Variants in SPINK5 observed in about 807,000 individuals in gnomAD.
SPINK5 encodes the protein serine peptidase inhibitor Kazal type 5.
SPINK5 carries 125 observed loss-of-function variants against 151.8 expected under a neutral mutation model. That is an observed-to-expected ratio of 0.82 (90% CI 0.71 to 0.96). The LOEUF is 0.96. Ranked by LOEUF, SPINK5 falls within the 40% of genes least tolerant of loss-of-function variation. SPINK5 has a pLI of 0.00. For missense variants in SPINK5, 1,194 were observed against 1,291.9 expected (o/e 0.92, Z 1.16); for synonymous variants, 374 against 395.3 (o/e 0.95, Z 0.64).
intron 27 of SPINK5, 36 bp downstream of exon 27, chr5:148,123,996 G>T: frequency 6.2e-7 from 1 of 1,611,930 alleles, no homozygotes; most frequent in Non-Finnish European, 8.5e-7. Context: ...TTTGATAGTT[G>T]TGCCTGTTTG....
chr5:148,072,122 CTA>C (rs1444469577), intron 3 of SPINK5, 24 bp from the exon 4 acceptor site: 8 of 1,605,544 alleles, frequency 5.0e-6, no homozygotes, highest in Middle Eastern at 1.7e-4. Flanking sequence ...AATGTTTAAA[CTA>C]TGCTATTTCT....
At chr5:148,106,989 A>T in intron 16 of SPINK5, 48 bp from the exon 17 acceptor site, 1 of 1,603,010 alleles carries the variant, frequency 6.2e-7, no homozygotes, top group Non-Finnish European at 8.5e-7. Context: ...GAAAAGATGC[A>T]GGAAGGATAG....
chr5:148,081,080 C>G (rs544619742), intron 4 of SPINK5, among the ~76,000 whole-genome samples: 1 of 151,686 alleles, frequency 6.6e-6, no homozygotes, highest in South Asian at 2.1e-4. Context: ...TATCACTACA[C>G]GTACCCACTA....
intron 7 of SPINK5, 67 bp downstream of exon 7, chr5:148,089,688 A>G (rs1753259311): frequency 6.2e-7 from 1 of 1,606,768 alleles, no homozygotes; most frequent in African/African-American, 1.3e-5. Context: ...AGAATCACTC[A>G]GCAGAGAGAT....
intron 12 of SPINK5, 42 bp from the exon 13 acceptor site, chr5:148,100,412 G>T (rs747655981): frequency 2.5e-6 from 4 of 1,595,524 alleles, no homozygotes; most frequent in Non-Finnish European, 3.4e-6. Flanking sequence ...GCTTTAAGTA[G>T]AAATGAAATA....
Position 148,095,902 on chromosome 5 carries a change from TGTG to T in SPINK5, c.882+1_882+3del, listed in dbSNP as rs750225476. The T allele has an allele frequency of 1.2e-6, 2 of 1,610,472 alleles. No individual in the cohort carries two copies. The highest frequency in any genetic ancestry group is 1.1e-5 in the South Asian group (1 of 91,000). ...AAAAAACTAAAGTTAAAAGAGAAAT[TGTG>T]GTGAGAATCAGTTTGATCAATCTAG... On this transcript the variant is annotated inframe_deletion and splice_region_variant, in exon 10 of 33. Transcript: ENST00000256084.
intron 18 of SPINK5, among the ~76,000 whole-genome samples, 182 bp downstream of exon 18, chr5:148,109,019 T>A (rs563250570): frequency 6.6e-6 from 1 of 152,254 alleles, no homozygotes; most frequent in South Asian, 2.1e-4. Flanking sequence ...ACATTAAATC[T>A]ATTAATTGCT....
At chr5:148,066,342 G>A (rs186913028) in intron 2 of SPINK5, among the ~76,000 whole-genome samples, 84 of 152,140 alleles carry the variant, frequency 5.5e-4, no homozygotes, top group African/African-American at 2.0e-3. Context: ...ACACTGCTAT[G>A]CATGCTATTA....
At chr5:148,123,805 T>C in intron 26 of SPINK5, 28 bp from the exon 27 acceptor site, 3 of 1,613,758 alleles carry the variant, frequency 1.9e-6, no homozygotes, top group Non-Finnish European at 2.5e-6. Flanking sequence ...ACCATGACAG[T>C]AACAACTTTT....
intron 13 of SPINK5, 46 bp downstream of exon 13, chr5:148,100,627 T>C (rs772334842): frequency 4.4e-6 from 7 of 1,606,022 alleles, no homozygotes; most frequent in Non-Finnish European, 6.0e-6. Flanking sequence ...ATTTTGTTCT[T>C]TCTATTTCAT....
chr5:148,106,073 C>T (rs1387333318), intron 16 of SPINK5, among the ~76,000 whole-genome samples: 3 of 151,658 alleles, frequency 2.0e-5, no homozygotes, highest in Non-Finnish European at 4.4e-5. Context: ...TTTCATTGAT[C>T]ATTTAGAATT....
rs773865874 is a variant in SPINK5 at position 148,107,035 on chromosome 5, A to G, written c.1480-2A>G. On this transcript the variant is annotated splice_acceptor_variant, in intron 16 of 32. Coordinates refer to ENST00000256084, the MANE Select transcript of SPINK5 (RefSeq NM_006846.4). LOFTEE classifies it high-confidence loss of function. ...TGAGAAAATATTTTCTTCATTTCCC[A>G]GGAAATCTGCAGTGAATTTCGGGAC... The G allele has an allele frequency of 6.2e-7, 1 of 1,612,204 alleles. No homozygotes were observed. The highest frequency in any genetic ancestry group is 8.5e-7 in the Non-Finnish European group (1 of 1,178,752).
chr5:148,104,927 T>G (rs1561691195), intron 15 of SPINK5, 25 bp from the exon 16 acceptor site: 1 of 1,605,334 alleles, frequency 6.2e-7, no homozygotes, highest in Non-Finnish European at 8.5e-7. Flanking sequence ...ATTTCTTCTC[T>G]CTTTTTCTTT....
At position 148,094,450 on chromosome 5, in the gene SPINK5, G is replaced by T. The variant is rs1753401679; in HGVS notation, c.763G>T (p.Gly255Cys). 1.2e-6 allele frequency: 2 copies of T among 1,612,764 alleles called. No homozygotes were observed. The highest frequency in any genetic ancestry group is 4.5e-5 in the East Asian group (2 of 44,818). ...CCGTGGCCCTGACGGCAGGATGCAT[G>T]GCAACAAATGTGCCCTGTGTGCTGA... is the stretch of plus-strand genomic sequence containing the variant. The part of the protein sequence containing the change: ...PVRGPDGRMH[G>C]NKCALCAEIF... Residue 255 changes from glycine to cysteine, a missense_variant, in exon 9 of 33, where the codon GGC becomes TGC. Gly to Cys is a radical substitution (Grantham distance 159). Transcript: ENST00000256084.
intron 30 of SPINK5, 136 bp from the exon 31 acceptor site, chr5:148,131,123 A>G: frequency 8.2e-7 from 1 of 1,226,272 alleles, no homozygotes; most frequent in Admixed American, 1.7e-5. Context: ...TCAATCTTTG[A>G]GTTTGAATAA....
At chr5:148,069,452 CAA>C (rs5872056) in intron 2 of SPINK5, among the ~76,000 whole-genome samples, 2 of 149,496 alleles carry the variant, frequency 1.3e-5, no homozygotes, top group South Asian at 2.1e-4. Flanking sequence ...AGGGATGTGC[CAA>C]AAAAAAAATT....
At chr5:148,100,161 T>C (rs1472660970) in intron 12 of SPINK5, among the ~76,000 whole-genome samples, 2 of 152,166 alleles carry the variant, frequency 1.3e-5, no homozygotes, top group African/African-American at 4.8e-5. Context: ...AGTTCTCAGA[T>C]TTTATTGTAC....
Position 148,070,413 on chromosome 5 carries a change from A to G in SPINK5, c.172A>G (p.Met58Val). The change falls in exon 3 of 33, where the codon ATG becomes GTG. Residue 58 changes from methionine (M) to valine (V), a missense_variant. By Grantham distance (21) the Met-to-Val change is conservative (BLOSUM62 1). Coordinates refer to ENST00000256084, the MANE Select transcript of SPINK5 (RefSeq NM_006846.4). ...KKFFQSLDGI[M>V]FINKCATCKM... Reference sequence around the variant, plus strand: ...ATTTTTTCAAAGTCTTGATGGAATAATGTTCATCAATAAATGTGCCACGTG... The same window carrying G: ...ATTTTTTCAAAGTCTTGATGGAATAGTGTTCATCAATAAATGTGCCACGTG... The G allele has an allele frequency of 6.2e-7, 1 of 1,612,774 alleles. No individual in the cohort carries two copies. The highest frequency in any genetic ancestry group is 8.5e-7 in the Non-Finnish European group (1 of 1,179,176).
rs55816145 is a variant in SPINK5, at chr5:148,113,099, C to A, written c.1887+165C>A. Reference sequence around the variant, plus strand: ...TTAACAGAACAGATAGCAGATATTTCTGTTTTTGTGGCCATAGAATCTCTG... The same window carrying A: ...TTAACAGAACAGATAGCAGATATTTATGTTTTTGTGGCCATAGAATCTCTG... On this transcript the variant is annotated intron_variant, in intron 20 of 32. Coordinates refer to ENST00000256084, the MANE Select transcript of SPINK5 (RefSeq NM_006846.4). Among the ~76,000 whole-genome samples, 23,260 of 152,088 alleles carry A rather than the reference C, an allele frequency of 0.15. 2,439 individuals carry two copies. The highest frequency in any genetic ancestry group is 0.32 in the East Asian group (1,658 of 5,164).
Sources: allele counts gnomAD v4.1 joint callset (sites outside exome capture counted in the v4.1 genomes callset), GRCh38; gene constraint gnomAD v4.1.1; transcripts MANE v1.5; gene names NCBI Gene and HGNC (gene_info 2026-07-23, HGNC 2026-07-21).